Variants in RAPGEF6 observed in about 807,000 individuals in gnomAD.
The protein encoded by RAPGEF6 is Rap guanine nucleotide exchange factor 6, also known as PDZ domain containing guanine nucleotide exchange factor (GEF) 2.
RAPGEF6 carries 56 observed loss-of-function variants against 171.4 expected under a neutral mutation model. That is an observed-to-expected ratio of 0.33 (90% CI 0.26 to 0.41). RAPGEF6 has a LOEUF of 0.41. RAPGEF6 is among the 10% of genes least tolerant of loss of function. RAPGEF6 has a pLI of 1.00. For missense variants in RAPGEF6, 1,674 were observed against 1,921.4 expected (o/e 0.87, Z 2.41); for synonymous variants, 692 against 650.1 (o/e 1.06, Z -0.98).
chr5:131,435,753 A>T, intron 24 of RAPGEF6: 1 of 1,099,718 alleles, frequency 9.1e-7, no homozygotes, highest in Non-Finnish European at 1.2e-6. Flanking sequence ...AAAGTCAACT[A>T]CAGAAAACAA....
intron 24 of RAPGEF6, among the ~76,000 whole-genome samples, chr5:131,437,040 A>G (rs756043529): frequency 2.6e-5 from 4 of 152,226 alleles, no homozygotes; most frequent in African/African-American, 4.8e-5. Flanking sequence ...ACAGATCCTA[A>G]TAATTTACTC....
In RAPGEF6 at chr5:131,458,678, G is replaced by C. The variant is rs150375076; in HGVS notation, c.2865-2666C>G. Among the ~76,000 whole-genome samples, 485 of 152,276 alleles carry C rather than the reference G, an allele frequency of 3.2e-3. 3 individuals carry two copies. Among genetic ancestry groups the C allele is most frequent in the African/African-American group, 0.011 (462 of 41,552 alleles). On this transcript the variant is annotated intron_variant, in intron 19 of 27. Coordinates refer to ENST00000509018, the MANE Select transcript of RAPGEF6 (RefSeq NM_016340.6). ...ACTTTTTCTTTTCTTTTTTGAGACA[G>C]AGTCTTGCTCTGTCACCCAGGCTGG...
At chr5:131,609,158 C>T (rs1280128337) in intron 1 of RAPGEF6, among the ~76,000 whole-genome samples, 1 of 152,132 alleles carries the variant, frequency 6.6e-6, no homozygotes, top group African/African-American at 2.4e-5. Context: ...CTGAGGCCCT[C>T]ATTGGATGCA....
intron 9 of RAPGEF6, among the ~76,000 whole-genome samples, chr5:131,505,950 C>T (rs1266730890): frequency 6.6e-6 from 1 of 152,124 alleles, no homozygotes; most frequent in Non-Finnish European, 1.5e-5. Flanking sequence ...TTAACACATA[C>T]ACTGTGCTTA....
intron 3 of RAPGEF6, among the ~76,000 whole-genome samples, chr5:131,594,040 A>T (rs1261336081): frequency 6.6e-6 from 1 of 152,212 alleles, no homozygotes; most frequent in Non-Finnish European, 1.5e-5. Context: ...AAATGTTTCC[A>T]GGGCATTTCA....
Position 131,430,999 on chromosome 5 carries a change from G to A in RAPGEF6, c.4325C>T (p.Thr1442Met), listed in dbSNP as rs76543406. Residue 1442 changes from threonine (T) to methionine (M), a missense_variant, in exon 26 of 28, where the codon ACG becomes ATG. Thr to Met is a moderately conservative substitution (Grantham distance 81). This residue lies in a region of RAPGEF6 where 552 missense variants were observed against 574.2 expected (regional missense o/e 0.96). Transcript: ENST00000509018. ...SWTSSSSLSD[T>M]YEPNYGTVKQ... Reference sequence around the variant, plus strand: ...AACTGTCCCATAGTTTGGTTCATACGTGTCAGACAGAGAACTGGAGGAGGT... The same window carrying A: ...AACTGTCCCATAGTTTGGTTCATACATGTCAGACAGAGAACTGGAGGAGGT... 1,597 of 1,614,144 alleles carry A rather than the reference G, an allele frequency of 9.9e-4. 14 individuals are homozygous for A. In the African/African-American group the frequency reaches 0.018, roughly 18 times the overall value.
chr5:131,576,594 C>T (rs1220851362), intron 4 of RAPGEF6, among the ~76,000 whole-genome samples: 1 of 152,196 alleles, frequency 6.6e-6, no homozygotes, highest in Non-Finnish European at 1.5e-5. Flanking sequence ...GATCCCACTG[C>T]TTGAGGCAAC....
chr5:131,548,082 T>C lies in RAPGEF6; in HGVS notation c.460A>G (p.Ile154Val), dbSNP rs907761288. The C allele has an allele frequency of 3.1e-6, 5 of 1,614,018 alleles. No homozygotes were observed. The highest frequency in any genetic ancestry group is 1.1e-5 in the South Asian group (1 of 91,074). ...CTGTTAACCTCCACATCATCAGTAA[T>C]GGTTTGGCGCTCTCCTTTATAGTTA... Reference protein sequence around the residue: ...KINYKGERQTITDDVEVNSYL... With the variant: ...KINYKGERQTVTDDVEVNSYL... Residue 154 changes from isoleucine to valine, a missense_variant, in exon 6 of 28, where the codon ATT becomes GTT. Around this residue, in one of 3 missense-constraint regions of RAPGEF6, gnomAD observed 1,116 missense variants for 1,321.5 expected, o/e 0.84. Transcript: ENST00000509018.
intron 4 of RAPGEF6, among the ~76,000 whole-genome samples, chr5:131,574,964 A>G (rs1339357641): frequency 6.6e-6 from 1 of 151,934 alleles, no homozygotes; most frequent in African/African-American, 2.4e-5. Context: ...CTCCTATCCT[A>G]CCTGTCCAGA....
chr5:131,591,871 T>C (rs1391069841), intron 4 of RAPGEF6, among the ~76,000 whole-genome samples: 1 of 152,136 alleles, frequency 6.6e-6, no homozygotes, highest in African/African-American at 2.4e-5. Context: ...TTTTTTTTTC[T>C]TTGGAGATGG....
rs150569288 is a variant in RAPGEF6, at chr5:131,625,548, G to A, written c.69+9414C>T. 6.6e-5 allele frequency among the ~76,000 whole-genome samples: 10 copies of A among 152,168 alleles called. No individual in the cohort carries two copies. The East Asian group carries it at 1.9e-3, about 30-fold the overall frequency. ...TACTTCTTGGTGGCTGGGCACGGTG[G>A]CTCACACCTGTAATCCCAGCATTTT... On this transcript the variant is annotated intron_variant, in intron 1 of 27. Transcript: ENST00000509018.
intron 11 of RAPGEF6, among the ~76,000 whole-genome samples, chr5:131,503,315 T>C (rs1197989018): frequency 6.6e-6 from 1 of 152,162 alleles, no homozygotes; most frequent in Non-Finnish European, 1.5e-5. Context: ...CAGTGACAGA[T>C]CTCTCTACTG....
chr5:131,490,404 G>GA (rs1012953685), intron 14 of RAPGEF6, among the ~76,000 whole-genome samples: 1 of 151,622 alleles, frequency 6.6e-6, no homozygotes, highest in South Asian at 2.1e-4. Context: ...TCCCAGAGTT[G>GA]AAAAAAGACT....
At chr5:131,575,036 T>C (rs1194282158) in intron 4 of RAPGEF6, among the ~76,000 whole-genome samples, 1 of 152,162 alleles carries the variant, frequency 6.6e-6, no homozygotes, top group African/African-American at 2.4e-5. Context: ...TTGTCTTACC[T>C]ATCCAGCCTG....
chr5:131,531,377 T>C (rs1276367596), intron 6 of RAPGEF6, among the ~76,000 whole-genome samples: 1 of 152,232 alleles, frequency 6.6e-6, no homozygotes, highest in Non-Finnish European at 1.5e-5. Context: ...TTACAGACTA[T>C]ATAAATAGCC....
rs374332219 is a variant in RAPGEF6 at position 131,448,771 on chromosome 5, G to A, written c.3201-2068C>T. On this transcript the variant is annotated intron_variant, in intron 21 of 27. Transcript: ENST00000509018. ...AGTGTAACCCTAAAGCTGAATGAAC[G>A]TGAAACATGTTAACATAAGTCATTC... Among the ~76,000 whole-genome samples, 19 of 152,252 alleles carry A rather than the reference G, an allele frequency of 1.2e-4. No homozygotes were observed. The East Asian group carries it at 1.7e-3, about 14-fold the overall frequency.
intron 6 of RAPGEF6, among the ~76,000 whole-genome samples, chr5:131,530,141 GAA>G (rs570777912): frequency 1.1e-5 from 1 of 93,852 alleles, no homozygotes; most frequent in Non-Finnish European, 2.3e-5. Context: ...CATCTCTTAA[GAA>G]AAAAAAAAAA....
chr5:131,428,461 CTT>C (rs879499440), intron 27 of RAPGEF6, among the ~76,000 whole-genome samples: 31 of 142,096 alleles, frequency 2.2e-4, no homozygotes, highest in Admixed American at 2.1e-4. Flanking sequence ...TATTTAGGAA[CTT>C]TTTTTTTTTT....
chr5:131,578,616 G>GT (rs1469335533), intron 4 of RAPGEF6, among the ~76,000 whole-genome samples: 1 of 151,928 alleles, frequency 6.6e-6, no homozygotes, highest in African/African-American at 2.4e-5. Flanking sequence ...AACTATCCCT[G>GT]TTGCCACTCC....
Sources: gnomAD v4.1 joint callset for allele counts (sites outside exome capture counted in the v4.1 genomes callset) on GRCh38, gnomAD v4.1.1 for gene constraint, gnomAD v4.1.1 regional missense constraint, MANE v1.5 for transcripts, NCBI Gene and HGNC (gene_info 2026-07-23, HGNC 2026-07-21) for gene names.